Variants in GABRA2 observed in about 807,000 individuals in gnomAD.
The protein encoded by GABRA2 is gamma-aminobutyric acid type A receptor subunit alpha2.
In GABRA2, 16 loss-of-function variants were observed where a neutral mutation model predicts 48.7. That is an observed-to-expected ratio of 0.33 (90% confidence interval 0.22 to 0.50). The LOEUF (loss-of-function observed/expected upper bound fraction) is 0.50. Among genes scored for constraint, GABRA2 ranks in the 20% least tolerant of loss-of-function variants. The probability of loss-of-function intolerance (pLI) is 0.98; values close to 1 mark genes in which losing one functional copy is unlikely to be tolerated. For synonymous variants in GABRA2, 185 were observed against 184.5 expected (o/e 1.00, Z -0.02); for missense variants, 275 against 535.6 (o/e 0.51, Z 4.80).
At chr4:46,313,168 AAAT>A (rs1727954533) in intron 4 of GABRA2, among the ~76,000 whole-genome samples, 14 of 150,056 alleles carry the variant, frequency 9.3e-5, no homozygotes, top group African/African-American at 3.4e-4. Flanking sequence ...AAATTTTTAA[AAAT>A]TAAAAAGAAA....
At chr4:46,296,651 AGG>A (rs368299890) in intron 8 of GABRA2, among the ~76,000 whole-genome samples, 51 of 93,842 alleles carry the variant, frequency 5.4e-4, no homozygotes, top group Non-Finnish European at 8.7e-4. Context: ...TTACTCTATC[AGG>A]GGGAAAAAAA....
At chr4:46,381,398 T>G (rs911090527) in intron 3 of GABRA2, among the ~76,000 whole-genome samples, 1 of 152,212 alleles carries the variant, frequency 6.6e-6, no homozygotes, top group Non-Finnish European at 1.5e-5. Context: ...CTAGCTAATC[T>G]GCATCTACAG....
At chr4:46,310,142 C>G (rs1727392798) in intron 6 of GABRA2, 31 bp downstream of exon 6, 1 of 1,557,400 alleles carries the variant, frequency 6.4e-7, no homozygotes, top group African/African-American at 1.4e-5. Flanking sequence ...TATTATTGAC[C>G]CAAAACATGT....
At chr4:46,319,538 A>G (rs1578034221) in intron 4 of GABRA2, among the ~76,000 whole-genome samples, 2 of 151,802 alleles carry the variant, frequency 1.3e-5, no homozygotes, top group African/African-American at 4.8e-5. Flanking sequence ...CTAGATAACA[A>G]TTTAGCACAG....
chr4:46,278,029 A>G (rs1284033395), intron 8 of GABRA2, among the ~76,000 whole-genome samples: 1 of 152,226 alleles, frequency 6.6e-6, no homozygotes, highest in African/African-American at 2.4e-5. Flanking sequence ...CTCAGTAGAT[A>G]GTCAGATATA....
rs888775365 is a variant in GABRA2, at chr4:46,293,072, T to C, written c.856+10388A>G. On this transcript the variant is annotated intron_variant, in intron 8 of 9. Coordinates refer to ENST00000381620, the MANE Select transcript of GABRA2 (RefSeq NM_000807.4). Reference sequence around the variant, plus strand: ...ACAGCAGCTATCAGAATAATCTGAATCGTGTAGAGCTCTGGCATTGGCTAA... The same window carrying C: ...ACAGCAGCTATCAGAATAATCTGAACCGTGTAGAGCTCTGGCATTGGCTAA... 3.9e-5 allele frequency among the ~76,000 whole-genome samples: 6 copies of C among 152,268 alleles called. No individual in the cohort carries two copies. In the East Asian group the frequency reaches 1.2e-3, roughly 29 times the overall value.
At chr4:46,320,133 A>G (rs1165761588) in intron 4 of GABRA2, among the ~76,000 whole-genome samples, 3 of 151,838 alleles carry the variant, frequency 2.0e-5, no homozygotes, top group African/African-American at 7.2e-5. Flanking sequence ...GGCTTATGAG[A>G]AGTTACAGGA....
chr4:46,330,591 T>TAGAGAGAGAGAGAGAG (rs1553916278), intron 4 of GABRA2, among the ~76,000 whole-genome samples: 1,975 of 122,450 alleles, frequency 0.016, 38 homozygotes, highest in Non-Finnish European at 0.024. Flanking sequence ...TATATATATA[T>TAGAGAGAGAGAGAGAG]AGAGAGAGAG....
intron 7 of GABRA2, among the ~76,000 whole-genome samples, chr4:46,305,260 T>G (rs1726464937): frequency 2.2e-5 from 2 of 92,498 alleles, no homozygotes; most frequent in African/African-American, 4.3e-5. Context: ...CTGGGGCCTG[T>G]TGTGGGGTGG....
At chr4:46,328,965 T>A (rs2109793264) in intron 4 of GABRA2, among the ~76,000 whole-genome samples, 1 of 152,222 alleles carries the variant, frequency 6.6e-6, no homozygotes, top group African/African-American at 2.4e-5. Flanking sequence ...AGCACTATCT[T>A]CCCTAATAGA....
chr4:46,330,589 T>TAGAGAGAGAGAGAGAGAG (rs1322712224), intron 4 of GABRA2, among the ~76,000 whole-genome samples: 77 of 124,654 alleles, frequency 6.2e-4, no homozygotes, highest in Admixed American at 4.1e-3. Context: ...TATATATATA[T>TAGAGAGAGAGAGAGAGAG]ATAGAGAGAG....
At chr4:46,301,507 G>A (rs1482122540) in intron 8 of GABRA2, among the ~76,000 whole-genome samples, 1 of 152,078 alleles carries the variant, frequency 6.6e-6, no homozygotes, top group East Asian at 1.9e-4. Context: ...TTCTATCTAT[G>A]TCTCCACTGC....
chr4:46,307,463 C>T lies in GABRA2; in HGVS notation c.560-1752G>A, dbSNP rs1247283911. Among the ~76,000 whole-genome samples the T allele has an allele frequency of 2.0e-5, 3 of 148,950 alleles. No homozygotes were observed. In the East Asian group the frequency reaches 5.9e-4, roughly 29 times the overall value. On this transcript the variant is annotated intron_variant, in intron 6 of 9. Transcript: ENST00000381620. ...AAGTTTTTTTTTTTTTTTAGCGGAA[C>T]GACATCACTTTTGAATTATAATGTT...
At chr4:46,347,591 C>T (rs183681952) in intron 3 of GABRA2, among the ~76,000 whole-genome samples, 21 of 151,974 alleles carry the variant, frequency 1.4e-4, no homozygotes, top group African/African-American at 5.1e-4. Context: ...CAAGAATCCA[C>T]CCACAATTGA....
At chr4:46,251,194 T>C (rs562038557) in intron 9 of GABRA2, among the ~76,000 whole-genome samples, 1 of 151,576 alleles carries the variant, frequency 6.6e-6, no homozygotes, top group South Asian at 2.1e-4. Context: ...TTATAATCTC[T>C]AGTTCCATTA....
chr4:46,355,819 G>C (rs1735864755), intron 3 of GABRA2, among the ~76,000 whole-genome samples: 1 of 152,012 alleles, frequency 6.6e-6, no homozygotes, highest in South Asian at 2.1e-4. Context: ...TCACTGGGTT[G>C]ACTAAAATGG....
intron 3 of GABRA2, among the ~76,000 whole-genome samples, chr4:46,359,734 G>A (rs1034308803): frequency 5.9e-5 from 9 of 151,990 alleles, no homozygotes; most frequent in Non-Finnish European, 1.0e-4. Flanking sequence ...TGGCTAACAC[G>A]GTGAAACCCT....
intron 3 of GABRA2, among the ~76,000 whole-genome samples, chr4:46,380,492 G>A (rs975617814): frequency 1.4e-4 from 21 of 152,184 alleles, no homozygotes; most frequent in Admixed American, 4.6e-4. Flanking sequence ...CAACAATAAC[G>A]ATAATAATTT....
chr4:46,365,255 T>C (rs1362958585), intron 3 of GABRA2: 1 of 152,162 alleles, frequency 6.6e-6, no homozygotes, highest in Admixed American at 6.5e-5. Context: ...TTCCTTCTCA[T>C]TTAATTCTAG....
Sources: allele counts gnomAD v4.1 joint callset (sites outside exome capture counted in the v4.1 genomes callset), GRCh38; gene constraint gnomAD v4.1.1; transcripts MANE v1.5; gene names NCBI Gene and HGNC (gene_info 2026-07-23, HGNC 2026-07-21).